Variants in COL23A1 observed in about 807,000 individuals in gnomAD.
COL23A1 encodes the protein collagen type XXIII alpha 1 chain.
COL23A1 carries 97 observed loss-of-function variants against 99.3 expected under a neutral mutation model. That is an observed-to-expected ratio of 0.98 (90% CI 0.83 to 1.16). The LOEUF (loss-of-function observed/expected upper bound fraction) is 1.16, where lower values mean the gene tolerates loss of function less well. Among genes scored for constraint, COL23A1 ranks in the 50% most tolerant of loss-of-function variants. The pLI, the probability that COL23A1 is intolerant of heterozygous loss-of-function variation, is 0.00. For synonymous variants in COL23A1, 320 were observed against 308.2 expected (o/e 1.04, Z -0.40); for missense variants, 762 against 757.4 (o/e 1.01, Z -0.07).
intron 2 of COL23A1, among the ~76,000 whole-genome samples, chr5:178,311,510 G>A (rs1286923022): frequency 8.3e-4 from 6 of 7,204 alleles, no homozygotes; most frequent in African/African-American, 4.1e-3. Flanking sequence ...GTGTGTGCGC[G>A]TGTGTGTGTG....
At chr5:178,557,812 G>A (rs1032727060) in intron 2 of COL23A1, among the ~76,000 whole-genome samples, 9 of 152,158 alleles carry the variant, frequency 5.9e-5, no homozygotes, top group African/African-American at 1.7e-4. Flanking sequence ...TCTGTTCTTT[G>A]TAAGACAAGG....
chr5:178,460,380 G>A (rs987626192), intron 2 of COL23A1, among the ~76,000 whole-genome samples: 4 of 150,926 alleles, frequency 2.7e-5, no homozygotes, highest in Non-Finnish European at 4.4e-5. Context: ...TGGACCAGCC[G>A]TCTAGCCACC....
At chr5:178,574,928 C>T (rs1476236730) in intron 1 of COL23A1, among the ~76,000 whole-genome samples, 1 of 152,212 alleles carries the variant, frequency 6.6e-6, no homozygotes, top group Non-Finnish European at 1.5e-5. Context: ...ACTTCCAGCC[C>T]ATTCTTTTGG....
intron 2 of COL23A1, among the ~76,000 whole-genome samples, chr5:178,386,371 G>A (rs1475286762): frequency 2.0e-5 from 3 of 151,974 alleles, no homozygotes; most frequent in South Asian, 2.1e-4. Flanking sequence ...CCCAGGAAGC[G>A]GAGGTTGCAG....
intron 22 of COL23A1, among the ~76,000 whole-genome samples, 169 bp downstream of exon 22, chr5:178,247,357 C>T (rs370354043): frequency 4.6e-5 from 7 of 152,084 alleles, no homozygotes; most frequent in Non-Finnish European, 7.4e-5. Flanking sequence ...TTGGCCTCAA[C>T]GACATCGGGG....
intron 1 of COL23A1, among the ~76,000 whole-genome samples, chr5:178,587,176 T>C (rs1764048590): frequency 6.6e-6 from 1 of 152,234 alleles, no homozygotes; most frequent in East Asian, 1.9e-4. Context: ...TTTAAAGCAC[T>C]TTAAGAGGAA....
rs1166966816 is a variant in COL23A1, at chr5:178,313,195, G to C, written c.362-6276C>G. Among the ~76,000 whole-genome samples, 12 of 152,190 alleles carry C rather than the reference G, an allele frequency of 7.9e-5. No homozygotes were observed. Among genetic ancestry groups the C allele is most frequent in the African/African-American group, 2.7e-4 (11 of 41,452 alleles). On this transcript the variant is annotated intron_variant, in intron 2 of 28. Coordinates refer to ENST00000390654, the MANE Select transcript of COL23A1 (RefSeq NM_173465.4). The surrounding 1 kb of genome is among the most constrained non-coding windows in gnomAD (Gnocchi z 4.2). ...GGGGTGCCATCGGTGGGCTGGGCTA[G>C]GGGAGGCGAGACTGGGAAGTCGGTG... is the stretch of plus-strand genomic sequence containing the variant.
chr5:178,397,858 G>A (rs376354985), intron 2 of COL23A1, among the ~76,000 whole-genome samples: 10 of 152,154 alleles, frequency 6.6e-5, no homozygotes, highest in African/African-American at 2.2e-4. Context: ...GTGGTGACAC[G>A]TGCCTGTAGT....
At chr5:178,354,972 C>T (rs972663691) in intron 2 of COL23A1, among the ~76,000 whole-genome samples, 8 of 151,430 alleles carry the variant, frequency 5.3e-5, no homozygotes, top group East Asian at 3.9e-4. Flanking sequence ...GCAGGAGAAT[C>T]GCTTGAAACC....
chr5:178,399,861 G>T (rs1031872787), intron 2 of COL23A1, among the ~76,000 whole-genome samples: 45 of 152,164 alleles, frequency 3.0e-4, no homozygotes, highest in Non-Finnish European at 5.9e-5. Context: ...CTCTCAGTTA[G>T]AATAACGACG....
At position 178,459,484 on chromosome 5, in the gene COL23A1, G is replaced by A. The variant is rs562329885; in HGVS notation, c.361+101198C>T. Among the ~76,000 whole-genome samples, 11 of 152,262 alleles carry A rather than the reference G, an allele frequency of 7.2e-5. No homozygotes were observed. In the East Asian group the frequency reaches 1.7e-3, roughly 24 times the overall value. ...TTTTTCCATAATAAAAAGGGGGCCC[G>A]GGGGCAGTGGCTCACACCTGTAATC... is the stretch of plus-strand genomic sequence containing the variant. On this transcript the variant is annotated intron_variant, in intron 2 of 28. Transcript: ENST00000390654.
At position 178,371,255 on chromosome 5, in the gene COL23A1, A is replaced by G. The variant is rs527312999; in HGVS notation, c.362-64336T>C. Among the ~76,000 whole-genome samples, 207 of 152,318 alleles carry G rather than the reference A, an allele frequency of 1.4e-3. 1 individual carries two copies. The highest frequency in any genetic ancestry group is 4.8e-3 in the African/African-American group (201 of 41,574). On this transcript the variant is annotated intron_variant, in intron 2 of 28. Transcript: ENST00000390654. The stretch of plus-strand genomic sequence containing the variant: ...TAGACCCTGAAACGCACATCCAAAT[A>G]TCTCCACTTCCCTATCCTACATGGG...
chr5:178,536,185 T>C (rs1760927770), intron 2 of COL23A1, among the ~76,000 whole-genome samples: 1 of 152,252 alleles, frequency 6.6e-6, no homozygotes, highest in Non-Finnish European at 1.5e-5. Context: ...AAGGTTGTCG[T>C]CACCCTCGGC....
rs145174947 is a variant in COL23A1 at position 178,273,564 on chromosome 5, C to G, written c.442-3201G>C. ...TGTGCGCAGTGCTCCCGGGAGCCCC[C>G]ACCAAGGGCTGAAGGGAAGTCAAGT... is the stretch of plus-strand genomic sequence containing the variant. On this transcript the variant is annotated intron_variant, in intron 5 of 28. Transcript: ENST00000390654. Among the ~76,000 whole-genome samples, 54 of 152,356 alleles carry G rather than the reference C, an allele frequency of 3.5e-4. 1 individual carries two copies. The East Asian group carries it at 9.3e-3, about 26-fold the overall frequency.
chr5:178,398,875 C>T (rs572412269), intron 2 of COL23A1, among the ~76,000 whole-genome samples: 35 of 152,326 alleles, frequency 2.3e-4, no homozygotes, highest in African/African-American at 7.7e-4. Flanking sequence ...CAGGTCTTAG[C>T]GTTTTCTTCT....
intron 2 of COL23A1, among the ~76,000 whole-genome samples, chr5:178,473,062 G>A (rs1213484088): frequency 2.1e-5 from 3 of 144,066 alleles, no homozygotes; most frequent in Non-Finnish European, 4.6e-5. Context: ...GGTCAAGGCT[G>A]CAGTGAGCTG....
chr5:178,298,156 A>T (rs2127594198), intron 3 of COL23A1, among the ~76,000 whole-genome samples: 1 of 152,300 alleles, frequency 6.6e-6, no homozygotes, highest in South Asian at 2.1e-4. Context: ...AAGCCAGATG[A>T]CCTGGGAAAT....
chr5:178,519,837 G>A (rs1759838985), intron 2 of COL23A1, among the ~76,000 whole-genome samples: 1 of 152,220 alleles, frequency 6.6e-6, no homozygotes, highest in Non-Finnish European at 1.5e-5. Flanking sequence ...ATAGATGGAG[G>A]ATGGTCAGAT....
At chr5:178,489,947 A>AG (rs1323499729) in intron 2 of COL23A1, among the ~76,000 whole-genome samples, 2 of 152,158 alleles carry the variant, frequency 1.3e-5, no homozygotes, top group African/African-American at 2.4e-5. Context: ...TAAAAAAGGT[A>AG]GGGTGGCTGG....
Sources: allele counts gnomAD v4.1 joint callset (sites outside exome capture counted in the v4.1 genomes callset), GRCh38; gene constraint gnomAD v4.1.1; non-coding constraint Gnocchi (gnomAD v3.1); transcripts MANE v1.5; gene names NCBI Gene and HGNC (gene_info 2026-07-23, HGNC 2026-07-21).